Variants in CSMD1 observed in about 807,000 individuals in gnomAD.
CSMD1 encodes the protein CUB and Sushi multiple domains 1, also known as CUB and sushi domain-containing protein 1.
A neutral mutation model predicts 417.5 loss-of-function variants in CSMD1; 213 were observed. The observed-to-expected ratio is 0.51, with a 90% confidence interval of 0.46 to 0.57. The LOEUF is 0.57. CSMD1 is among the 20% of genes least tolerant of loss of function. The pLI, the probability that CSMD1 is intolerant of heterozygous loss-of-function variation, is 0.00. For missense variants in CSMD1, 6,923 were observed against 4,529.7 expected (o/e 1.53, Z -15.17); for synonymous variants, 2,862 against 1,736.8 (o/e 1.65, Z -16.11).
intron 10 of CSMD1, among the ~76,000 whole-genome samples, chr8:3,501,744 A>T (rs1402664630): frequency 1.3e-5 from 2 of 152,230 alleles, no homozygotes; most frequent in African/African-American, 4.8e-5. Context: ...CACGGTTGCA[A>T]GAAGAACGAT....
intron 6 of CSMD1, among the ~76,000 whole-genome samples, chr8:3,735,473 T>C (rs1307807297): frequency 1.3e-5 from 2 of 150,896 alleles, no homozygotes; most frequent in East Asian, 3.8e-4. Context: ...TAGAAGTCTC[T>C]GTGTCAATAT....
At chr8:4,198,070 G>T (rs554953280) in intron 3 of CSMD1, among the ~76,000 whole-genome samples, 9 of 152,184 alleles carry the variant, frequency 5.9e-5, no homozygotes, top group Non-Finnish European at 1.2e-4. Context: ...TTATCAAAGC[G>T]CAAAGCGAGG....
chr8:4,879,508 A>G (rs1803263356), intron 1 of CSMD1, among the ~76,000 whole-genome samples: 1 of 152,166 alleles, frequency 6.6e-6, no homozygotes, highest in African/African-American at 2.4e-5. Flanking sequence ...TCTGCTGTTT[A>G]TAAGGGACAG....
intron 2 of CSMD1, among the ~76,000 whole-genome samples, chr8:4,568,881 TC>T (rs1798746998): frequency 6.6e-6 from 1 of 152,186 alleles, no homozygotes; most frequent in Non-Finnish European, 1.5e-5. Flanking sequence ...GTGATGATGA[TC>T]CTTTTTTTCA....
intron 3 of CSMD1, among the ~76,000 whole-genome samples, chr8:4,394,263 A>G (rs371849845): frequency 3.2e-4 from 48 of 152,342 alleles, no homozygotes; most frequent in African/African-American, 1.2e-3. Context: ...ACAAATATAA[A>G]AATTGACATA....
intron 3 of CSMD1, among the ~76,000 whole-genome samples, chr8:4,314,837 G>C (rs1798827864): frequency 6.6e-6 from 1 of 152,168 alleles, no homozygotes; most frequent in Admixed American, 6.5e-5. Context: ...TTTTGTAAGA[G>C]GAGGGAGCTG....
chr8:3,587,557 C>G (rs1446520558), intron 8 of CSMD1, among the ~76,000 whole-genome samples: 8 of 152,098 alleles, frequency 5.3e-5, no homozygotes, highest in Non-Finnish European at 1.0e-4. Flanking sequence ...AAATCCATAT[C>G]TATAATATCA....
intron 5 of CSMD1, among the ~76,000 whole-genome samples, chr8:3,954,792 G>T (rs756882255): frequency 6.6e-6 from 1 of 151,606 alleles, no homozygotes; most frequent in African/African-American, 2.4e-5. Context: ...TTACATGCAC[G>T]CAGAGCCTCC....
chr8:4,197,212 A>G (rs1288925720), intron 3 of CSMD1, among the ~76,000 whole-genome samples: 1 of 152,208 alleles, frequency 6.6e-6, no homozygotes, highest in African/African-American at 2.4e-5. Flanking sequence ...CAGTAAGAGC[A>G]TCATGAATTC....
intron 1 of CSMD1, among the ~76,000 whole-genome samples, chr8:4,801,848 T>C (rs1010057098): frequency 6.6e-6 from 1 of 152,226 alleles, no homozygotes; most frequent in African/African-American, 2.4e-5. Flanking sequence ...GAATTATTGT[T>C]TCAGACTACT....
intron 2 of CSMD1, among the ~76,000 whole-genome samples, 186 bp from the exon 3 acceptor site, chr8:4,420,251 T>C (rs568317906): frequency 9.1e-4 from 139 of 152,320 alleles, no homozygotes; most frequent in Non-Finnish European, 1.5e-3. Flanking sequence ...TTTTCAAGTA[T>C]GAGAATATGT....
At chr8:4,450,253 C>T (rs566370904) in intron 2 of CSMD1, among the ~76,000 whole-genome samples, 10 of 152,310 alleles carry the variant, frequency 6.6e-5, no homozygotes, top group Non-Finnish European at 4.4e-5. Flanking sequence ...GAGACAGTGT[C>T]TGATCTTCAG....
intron 5 of CSMD1, among the ~76,000 whole-genome samples, chr8:3,987,342 T>C (rs926893638): frequency 1.3e-5 from 2 of 152,226 alleles, no homozygotes; most frequent in African/African-American, 2.4e-5. Context: ...ACCGACAGCA[T>C]CTTTGCAACT....
intron 1 of CSMD1, among the ~76,000 whole-genome samples, chr8:4,880,891 ATT>A (rs1220270937): frequency 6.6e-6 from 1 of 152,138 alleles, no homozygotes; most frequent in Admixed American, 6.5e-5. Context: ...TAGAAAGAGA[ATT>A]TAAGAAATGT....
chr8:4,422,919 A>G (rs1221200361), intron 2 of CSMD1, among the ~76,000 whole-genome samples: 1 of 152,092 alleles, frequency 6.6e-6, no homozygotes, highest in East Asian at 1.9e-4. Flanking sequence ...GGGCTAACAA[A>G]GTAAAATCAC....
rs1310193796 is a variant in CSMD1, at chr8:3,406,027, C to G, written c.2266G>C (p.Ala756Pro). 1 of 1,613,152 alleles carries G rather than the reference C, an allele frequency of 6.2e-7. No individual in the cohort carries two copies. The highest frequency in any genetic ancestry group is 2.2e-5 in the East Asian group (1 of 44,870). The change falls in exon 15 of 70, where the codon GCT becomes CCT. Residue 756 changes from alanine (A) to proline (P), a missense_variant and splice_region_variant. Ala to Pro is a conservative substitution (Grantham distance 27). Transcript: ENST00000635120. ...VWSSTVPRCE[A>P]PCGGHLTASS... ...GAGCGGGGGGTGGCAGGGACTGCAC[C>G]TTCACAGCGGGGCACGGTGGAGCTC... is the stretch of plus-strand genomic sequence containing the variant.
chr8:3,238,193 G>A, intron 26 of CSMD1, among the ~76,000 whole-genome samples: 1 of 151,912 alleles, frequency 6.6e-6, no homozygotes, highest in Non-Finnish European at 1.5e-5. Flanking sequence ...AGGTGTGGGG[G>A]TGTCACAAGG....
Position 3,597,518 on chromosome 8 carries a change from G to C in CSMD1, c.1098-11258C>G, listed in dbSNP as rs144985144. ...AAAATGCAGCTGAGATAAAACATGAGCCACATGTTTTTCTCACCACAATGC... is the reference window on the plus strand; with the variant it reads ...AAAATGCAGCTGAGATAAAACATGACCCACATGTTTTTCTCACCACAATGC... On this transcript the variant is annotated intron_variant, in intron 8 of 69. Coordinates refer to ENST00000635120, the MANE Select transcript of CSMD1 (RefSeq NM_033225.6). Among the ~76,000 whole-genome samples the C allele has an allele frequency of 4.1e-4, 62 of 152,248 alleles. No homozygotes were observed. The East Asian group carries it at 0.01, about 25-fold the overall frequency.
At chr8:3,532,790 T>G (rs1241905825) in intron 10 of CSMD1, among the ~76,000 whole-genome samples, 1 of 152,210 alleles carries the variant, frequency 6.6e-6, no homozygotes, top group Non-Finnish European at 1.5e-5. Flanking sequence ...GTAAACTTCT[T>G]GACATATAAT....
Sources: gnomAD v4.1 joint callset for allele counts (sites outside exome capture counted in the v4.1 genomes callset) on GRCh38, gnomAD v4.1.1 for gene constraint, MANE v1.5 for transcripts, NCBI Gene and HGNC (gene_info 2026-07-23, HGNC 2026-07-21) for gene names.